HECTD4: variants seen among roughly 807,000 people sequenced by gnomAD.
HECTD4 encodes probable E3 ubiquitin-protein ligase HECTD4.
In HECTD4, 114 loss-of-function variants were observed where a neutral mutation model predicts 471.5. The ratio of observed to expected loss-of-function variants is 0.24; its 90% CI spans 0.21 to 0.28. The LOEUF (loss-of-function observed/expected upper bound fraction) is 0.28, where lower values mean the gene tolerates loss of function less well. Ranked by LOEUF, HECTD4 falls within the 10% of genes least tolerant of loss-of-function variation. The pLI is 1.00. For missense variants in HECTD4, 3,866 were observed against 5,651.5 expected (o/e 0.68, Z 10.13); for synonymous variants, 2,012 against 2,256.0 (o/e 0.89, Z 3.07).
At chr12:112,358,552 T>C (rs771306908) in intron 1 of HECTD4, among the ~76,000 whole-genome samples, 2 of 152,184 alleles carry the variant, frequency 1.3e-5, no homozygotes, top group Non-Finnish European at 2.9e-5. Context: ...ATAGCATATA[T>C]AGTATGATCT....
chr12:112,273,981 T>A (rs573829213), intron 10 of HECTD4, among the ~76,000 whole-genome samples, 186 bp from the exon 11 acceptor site: 1 of 152,384 alleles, frequency 6.6e-6, no homozygotes, highest in East Asian at 1.9e-4. Flanking sequence ...AGCATTTAAT[T>A]TTTAATTTTG....
In HECTD4 at chr12:112,204,492, G is replaced by T; in HGVS notation, c.8263C>A (p.Arg2755=). 6.2e-7 allele frequency: 1 copy of T among 1,611,694 alleles called. No individual in the cohort carries two copies. The highest frequency in any genetic ancestry group is 1.1e-5 in the South Asian group (1 of 90,444). ...EANKFTIDKV[R]KGLTVVTRSP... ...GTAAGGAGGAAAGCAAAACCTTTTC[G>T]AACTTTATCAATTGTGAACTTGTTT... The change falls in exon 53 of 76, where the codon CGA becomes AGA. Residue 2755 remains arginine, a synonymous_variant. Coordinates refer to ENST00000682272, the MANE Select transcript of HECTD4 (RefSeq NM_001388303.1).
In HECTD4 at chr12:112,254,132, T is replaced by C. The variant is rs1459910807; in HGVS notation, c.3358A>G (p.Ser1120Gly). The C allele has an allele frequency of 6.2e-7, 1 of 1,614,006 alleles. No individual in the cohort carries two copies. The highest frequency in any genetic ancestry group is 8.5e-7 in the Non-Finnish European group (1 of 1,179,866). The change falls in exon 22 of 76, where the codon AGT (serine) becomes GGT (glycine). Residue 1120 changes from serine to glycine, a missense_variant. Transcript: ENST00000682272. ...CCTCCATATTCAGCAACCTTCCTAC[T>C]GTTTGTGTTAGGCCCCGCATATATC... ...LVIYAGPNTN[S>G]RKVAEYGGNT...
intron 1 of HECTD4, among the ~76,000 whole-genome samples, chr12:112,344,409 G>A (rs908288676): frequency 1.3e-5 from 2 of 152,120 alleles, no homozygotes; most frequent in Admixed American, 6.6e-5. Flanking sequence ...AACATGACCT[G>A]GTAAACCGCC....
chr12:112,295,811 A>G (rs913180760), intron 7 of HECTD4, among the ~76,000 whole-genome samples: 2 of 140,450 alleles, frequency 1.4e-5, no homozygotes, highest in Admixed American at 6.8e-5. Context: ...TAAAAAAAAA[A>G]TATATATATA....
At chr12:112,302,386 C>A in intron 7 of HECTD4, 1 of 754,000 alleles carries the variant, frequency 1.3e-6, no homozygotes, top group Non-Finnish European at 2.4e-6. Context: ...CCAGCTTAAG[C>A]AGTTGAGTAA....
At chr12:112,340,553 T>C (rs1318992330) in intron 1 of HECTD4, among the ~76,000 whole-genome samples, 1 of 152,102 alleles carries the variant, frequency 6.6e-6, no homozygotes, top group Non-Finnish European at 1.5e-5. Context: ...ATCTAGTGGG[T>C]AGAGACCAGG....
chr12:112,238,293 G>C (rs1347216889), intron 34 of HECTD4, among the ~76,000 whole-genome samples: 1 of 151,928 alleles, frequency 6.6e-6, no homozygotes, highest in African/African-American at 2.4e-5. Context: ...GCTCACTGCA[G>C]CCTCGACCTC....
chr12:112,259,087 C>A, intron 19 of HECTD4, 25 bp downstream of exon 19: 1 of 1,575,022 alleles, frequency 6.3e-7, no homozygotes, highest in South Asian at 1.2e-5. Context: ...AAAAGCAGTT[C>A]ACTTTGGCAC....
At chr12:112,261,106 C>T (rs1340495474) in intron 18 of HECTD4, among the ~76,000 whole-genome samples, 199 bp downstream of exon 18, 1 of 152,204 alleles carries the variant, frequency 6.6e-6, no homozygotes, top group East Asian at 1.9e-4. Flanking sequence ...TAGATCATGG[C>T]TGTTGGCCCA....
chr12:112,314,986 A>G (rs1053224448), intron 2 of HECTD4, among the ~76,000 whole-genome samples: 4 of 152,220 alleles, frequency 2.6e-5, no homozygotes, highest in Non-Finnish European at 5.9e-5. Flanking sequence ...ACTCCATCAC[A>G]TTAAATATGA....
chr12:112,335,968 G>A (rs1044932316), intron 1 of HECTD4, among the ~76,000 whole-genome samples: 2 of 151,918 alleles, frequency 1.3e-5, no homozygotes, highest in Non-Finnish European at 2.9e-5. Flanking sequence ...GACATTATGT[G>A]TGCACTGATG....
chr12:112,243,586 G>A lies in HECTD4; in HGVS notation c.4791+34C>T. On this transcript the variant is annotated intron_variant, in intron 31 of 75. Coordinates refer to ENST00000682272, the MANE Select transcript of HECTD4 (RefSeq NM_001388303.1). The surrounding 1 kb of genome is among the most constrained non-coding windows in gnomAD (Gnocchi z 6.6). ...CGCAAGACCCCGCATGCTGTTAGGT[G>A]CTATTCATCTGGAGCCCGCAAAATG... 1.2e-6 allele frequency: 2 copies of A among 1,604,446 alleles called. No homozygotes were observed. The highest frequency in any genetic ancestry group is 1.7e-5 in the Admixed American group (1 of 58,542).
At chr12:112,170,981 T>G (rs2031193160) in intron 68 of HECTD4, 136 bp downstream of exon 68, 2 of 665,536 alleles carry the variant, frequency 3.0e-6, no homozygotes, top group South Asian at 4.4e-5. Flanking sequence ...GAGCCCTGCC[T>G]GCTACATGAA....
intron 25 of HECTD4, chr12:112,249,818 A>T (rs1028628992): frequency 5.9e-6 from 2 of 337,048 alleles, no homozygotes; most frequent in Non-Finnish European, 1.1e-5. Context: ...AGCACTTGTC[A>T]CACTTTAGCA....
At chr12:112,296,273 A>AGGGTGTAGGTGCAGT (rs2035010850) in intron 7 of HECTD4, among the ~76,000 whole-genome samples, 1 of 150,766 alleles carries the variant, frequency 6.6e-6, no homozygotes, top group Non-Finnish European at 1.5e-5. Context: ...GTAGGTACAG[A>AGGGTGTAGGTGCAGT]GGGTGTAGGT....
intron 1 of HECTD4, among the ~76,000 whole-genome samples, chr12:112,342,060 G>T (rs2036062765): frequency 6.6e-6 from 1 of 152,180 alleles, no homozygotes; most frequent in Non-Finnish European, 1.5e-5. Context: ...TATATGAAAT[G>T]ATTTATTGTT....
intron 2 of HECTD4, among the ~76,000 whole-genome samples, chr12:112,314,804 C>G (rs1352544165): frequency 6.6e-6 from 1 of 152,106 alleles, no homozygotes; most frequent in Non-Finnish European, 1.5e-5. Flanking sequence ...ACAATTTTCC[C>G]CTGGCATAAA....
At chr12:112,364,465 C>T (rs1015255056) in intron 1 of HECTD4, among the ~76,000 whole-genome samples, 3 of 151,794 alleles carry the variant, frequency 2.0e-5, no homozygotes, top group Non-Finnish European at 2.9e-5. Context: ...AGCAGCAGCT[C>T]AGGCTTGTAA....
Sources: gnomAD v4.1 joint callset for allele counts (sites outside exome capture counted in the v4.1 genomes callset) on GRCh38, gnomAD v4.1.1 for gene constraint, Gnocchi (gnomAD v3.1) non-coding constraint, MANE v1.5 for transcripts, NCBI Gene and HGNC (gene_info 2026-07-23, HGNC 2026-07-21) for gene names.